The following APOO variants were observed in gnomAD, a reference collection of about 807,000 sequenced individuals.
APOO encodes MICOS complex subunit MIC26.
Under a neutral mutation model 23.1 loss-of-function variants are expected in APOO, and 11 were observed. The ratio of observed to expected loss-of-function variants is 0.48; its 90% CI spans 0.30 to 0.79. The LOEUF (loss-of-function observed/expected upper bound fraction) is 0.79. Among genes scored for constraint, APOO ranks in the 30% least tolerant of loss-of-function variants. APOO has a pLI of 0.07. For missense variants in APOO, 160 were observed against 142.7 expected (o/e 1.12, Z -0.62); for synonymous variants, 59 against 54.8 (o/e 1.08, Z -0.34).
intron 7 of APOO, among the ~76,000 whole-genome samples, chrX:23,849,299 C>T (rs1924410263): frequency 1.8e-5 from 2 of 108,705 alleles, no homozygotes; most frequent in South Asian, 8.1e-4. Context: ...TCTACAGCTG[C>T]TAAAACCAAT....
rs966623717 is a variant in APOO, at chrX:23,885,043, A to G, written c.10-4091T>C. Among the ~76,000 whole-genome samples the G allele has an allele frequency of 2.7e-5, 3 of 111,450 alleles. No individual in the cohort carries two copies. The South Asian group carries it at 1.1e-3, about 41-fold the overall frequency. On this transcript the variant is annotated intron_variant, in intron 1 of 8. Coordinates refer to ENST00000379226, the MANE Select transcript of APOO (RefSeq NM_024122.5). ...AAAGTTGACCTGAAATTTTAAGTCC[A>G]TAAGAACATGTTTTTTGGGTCTGGA... is the stretch of plus-strand genomic sequence containing the variant.
chrX:23,876,273 A>G (rs755860452), intron 3 of APOO, among the ~76,000 whole-genome samples: 1 of 103,933 alleles, frequency 9.6e-6, no homozygotes, highest in African/African-American at 3.3e-5. Context: ...AAAAAAATAA[A>G]AAAAATAAAA....
intron 7 of APOO, among the ~76,000 whole-genome samples, chrX:23,851,180 G>T (rs1337631723): frequency 1.1e-5 from 1 of 94,193 alleles, no homozygotes; most frequent in Non-Finnish European, 2.0e-5. Context: ...TGGAAGACTT[G>T]AAAGGCATCG....
chrX:23,840,387 CAAAA>C lies in APOO; in HGVS notation c.562-14_562-11del. 1.7e-6 allele frequency: 2 copies of C among 1,194,956 alleles called. No individual in the cohort carries two copies. Among genetic ancestry groups the C allele is most frequent in the Non-Finnish European group, 2.3e-6 (2 of 887,058 alleles). ...TCTTCACATTTCCTGGCTTTTAAAA[CAAAA>C]GAAAGAGCTTGAATGCAGTTTGAAA... On this transcript the variant is annotated splice_polypyrimidine_tract_variant and intron_variant, in intron 7 of 8. Transcript: ENST00000379226.
chrX:23,899,251 A>G (rs1354377903), intron 1 of APOO, among the ~76,000 whole-genome samples: 1 of 112,520 alleles, frequency 8.9e-6, no homozygotes, highest in Non-Finnish European at 1.9e-5. Flanking sequence ...ATTCAACTAT[A>G]CTATCCATAA....
At chrX:23,841,027 C>T (rs770495094) in intron 7 of APOO, among the ~76,000 whole-genome samples, 2 of 112,024 alleles carry the variant, frequency 1.8e-5, no homozygotes, top group Non-Finnish European at 3.8e-5. Context: ...CTTTTCTATA[C>T]GTTTTTTAGA....
chrX:23,889,926 G>A (rs1227304590), intron 1 of APOO, among the ~76,000 whole-genome samples: 1 of 110,562 alleles, frequency 9.0e-6, no homozygotes, highest in Non-Finnish European at 1.9e-5. Context: ...CTCCCAAAGT[G>A]CTGGGATTAC....
chrX:23,900,971 A>G (rs1488979441), intron 1 of APOO, among the ~76,000 whole-genome samples: 1 of 112,484 alleles, frequency 8.9e-6, no homozygotes, highest in Non-Finnish European at 1.9e-5. Context: ...CTTTCCAAAT[A>G]TGTGGCTTTT....
chrX:23,850,905 A>C (rs1044514235), intron 7 of APOO, among the ~76,000 whole-genome samples: 3 of 111,443 alleles, frequency 2.7e-5, no homozygotes, highest in Non-Finnish European at 5.6e-5. Context: ...ATAACCCATA[A>C]ACAAAATGTT....
chrX:23,888,723 G>C (rs1182263437), intron 1 of APOO, among the ~76,000 whole-genome samples: 1 of 108,483 alleles, frequency 9.2e-6, no homozygotes, highest in Non-Finnish European at 1.9e-5. Flanking sequence ...GGTGGCATGT[G>C]CCTGTAGTCC....
At chrX:23,838,470 G>A (rs1031501978) in intron 8 of APOO, among the ~76,000 whole-genome samples, 16 of 108,598 alleles carry the variant, frequency 1.5e-4, no homozygotes, top group African/African-American at 5.4e-4. Context: ...AGGCTAGAGT[G>A]CAATGGCACG....
intron 8 of APOO, among the ~76,000 whole-genome samples, chrX:23,837,515 G>C (rs1011586913): frequency 9.1e-6 from 1 of 109,956 alleles, no homozygotes; most frequent in Non-Finnish European, 1.9e-5. Context: ...ACAGTAAAAA[G>C]AAAGTTTTCT....
intron 5 of APOO, among the ~76,000 whole-genome samples, chrX:23,864,721 G>C (rs777760045): frequency 8.9e-6 from 1 of 112,307 alleles, no homozygotes; most frequent in African/African-American, 3.2e-5. Flanking sequence ...GAATACAAAT[G>C]TTATCAACCT....
chrX:23,880,366 A>G (rs1926057632), intron 2 of APOO, among the ~76,000 whole-genome samples: 1 of 111,805 alleles, frequency 8.9e-6, no homozygotes, highest in African/African-American at 3.2e-5. Context: ...AATATTTCCC[A>G]CAAATTAAAC....
chrX:23,878,943 T>C lies in APOO; in HGVS notation c.209A>G (p.Tyr70Cys). The C allele has an allele frequency of 1.7e-6, 2 of 1,211,407 alleles. No individual in the cohort carries two copies. Among genetic ancestry groups the C allele is most frequent in the South Asian group, 1.8e-5 (1 of 56,983 alleles). The change falls in exon 3 of 9, where the codon TAT (tyrosine) becomes TGT (cysteine). Residue 70 changes from tyrosine (Y) to cysteine (C), a missense_variant. Tyr to Cys is a radical substitution (Grantham distance 194, BLOSUM62 -2). Coordinates refer to ENST00000379226, the MANE Select transcript of APOO (RefSeq NM_024122.5). ...ACACCAGGTTGTGTATGGCTCGCAATAGTGTCGGAGCTGTGAGATGCTTTC... is the reference window on the plus strand; with the variant it reads ...ACACCAGGTTGTGTATGGCTCGCAACAGTGTCGGAGCTGTGAGATGCTTTC... ...LEESISQLRHYCEPYTTWCQE... is the reference protein window; with the variant it reads ...LEESISQLRHCCEPYTTWCQE...
At chrX:23,895,840 AAAAG>A (rs1451714813) in intron 1 of APOO, among the ~76,000 whole-genome samples, 13 of 109,471 alleles carry the variant, frequency 1.2e-4, no homozygotes, top group Non-Finnish European at 1.5e-4. Flanking sequence ...TACTAAAAAA[AAAAG>A]AAGAAGAAGA....
At chrX:23,846,396 T>G (rs754462907) in intron 7 of APOO, among the ~76,000 whole-genome samples, 1 of 93,590 alleles carries the variant, frequency 1.1e-5, no homozygotes, top group Non-Finnish European at 2.1e-5. Context: ...CTGAGGCGGG[T>G]GGATCACTTG....
chrX:23,861,402 C>G (rs932734377), intron 5 of APOO, among the ~76,000 whole-genome samples: 4 of 109,541 alleles, frequency 3.7e-5, no homozygotes, highest in Admixed American at 3.0e-4. Flanking sequence ...AGCCCAAGGC[C>G]TCACCAGAAG....
At chrX:23,891,093 G>C (rs925179339) in intron 1 of APOO, among the ~76,000 whole-genome samples, 1 of 110,910 alleles carries the variant, frequency 9.0e-6, no homozygotes, top group Non-Finnish European at 1.9e-5. Context: ...CATTCTAGAG[G>C]CTTTCTAGGT....
Sources: allele counts gnomAD v4.1 joint callset (sites outside exome capture counted in the v4.1 genomes callset), GRCh38; gene constraint gnomAD v4.1.1; transcripts MANE v1.5; gene names NCBI Gene and HGNC (gene_info 2026-07-23, HGNC 2026-07-21).